TAFA4: variants seen among roughly 807,000 people sequenced by gnomAD.
TAFA4 encodes the protein chemokine-like protein TAFA-4.
A neutral mutation model predicts 21.1 loss-of-function variants in TAFA4; 20 were observed. That is an observed-to-expected ratio of 0.95 (90% CI 0.67 to 1.38). The LOEUF is 1.38. Among genes scored for constraint, TAFA4 ranks in the 40% most tolerant of loss-of-function variants. The probability of loss-of-function intolerance (pLI) is 0.00; values close to 1 mark genes in which losing one functional copy is unlikely to be tolerated. For synonymous variants in TAFA4, 71 were observed against 67.4 expected, an observed-to-expected ratio of 1.05 and a Z score of -0.26; for missense variants, 211 against 180.9, an observed-to-expected ratio of 1.17 and a Z score of -0.95.
At chr3:68,819,959 G>A (rs1217187919) in intron 3 of TAFA4, among the ~76,000 whole-genome samples, 2 of 152,174 alleles carry the variant, frequency 1.3e-5, no homozygotes, top group African/African-American at 4.8e-5. Context: ...TATGAAACCA[G>A]TATGTCAGAG....
intron 3 of TAFA4, among the ~76,000 whole-genome samples, chr3:68,813,798 C>T (rs989616725): frequency 2.0e-5 from 3 of 152,092 alleles, no homozygotes; most frequent in African/African-American, 7.2e-5. Flanking sequence ...AAGAGGGAAT[C>T]CTCCCTAACT....
intron 3 of TAFA4, among the ~76,000 whole-genome samples, chr3:68,846,567 G>A (rs1704803424): frequency 6.6e-6 from 1 of 152,050 alleles, no homozygotes; most frequent in Admixed American, 6.5e-5. Flanking sequence ...TTGCTGGCAA[G>A]GAGTTGTGAT....
intron 5 of TAFA4, among the ~76,000 whole-genome samples, chr3:68,736,125 AC>A (rs1702236574): frequency 6.6e-6 from 1 of 152,174 alleles, no homozygotes; most frequent in Non-Finnish European, 1.5e-5. Context: ...GCTTCTGCTC[AC>A]AAACAAGATA....
intron 1 of TAFA4, among the ~76,000 whole-genome samples, chr3:68,926,102 C>CA (rs567548923): frequency 7.1e-4 from 108 of 152,042 alleles, no homozygotes; most frequent in African/African-American, 2.5e-3. Context: ...CATGGTGGCG[C>CA]ACGCCTGTAC....
At chr3:68,861,005 T>C (rs2089333140) in intron 3 of TAFA4, among the ~76,000 whole-genome samples, 1 of 150,604 alleles carries the variant, frequency 6.6e-6, no homozygotes, top group East Asian at 2.0e-4. Flanking sequence ...AGCCATCTGT[T>C]AGCATTTTGT....
intron 3 of TAFA4, among the ~76,000 whole-genome samples, chr3:68,872,087 G>C (rs1295692384): frequency 6.6e-6 from 1 of 152,028 alleles, no homozygotes; most frequent in African/African-American, 2.4e-5. Flanking sequence ...ATATCAAGGA[G>C]ATAACTATAC....
intron 3 of TAFA4, among the ~76,000 whole-genome samples, chr3:68,767,249 A>C: frequency 6.6e-6 from 1 of 152,114 alleles, no homozygotes; most frequent in East Asian, 1.9e-4. Context: ...AAAAGGGTAG[A>C]GTTAGAGAGA....
chr3:68,809,181 T>C (rs1703773937), intron 3 of TAFA4, among the ~76,000 whole-genome samples: 1 of 152,228 alleles, frequency 6.6e-6, no homozygotes, highest in African/African-American at 2.4e-5. Flanking sequence ...GTTTCATGGT[T>C]AGCAACAATC....
intron 3 of TAFA4, among the ~76,000 whole-genome samples, chr3:68,868,713 C>A (rs2089447649): frequency 6.6e-6 from 1 of 151,858 alleles, no homozygotes; most frequent in Non-Finnish European, 1.5e-5. Context: ...TGTAAACAAA[C>A]ATCCCAAAAT....
At chr3:68,918,747 C>G (rs1333526926) in intron 1 of TAFA4, among the ~76,000 whole-genome samples, 1 of 152,128 alleles carries the variant, frequency 6.6e-6, no homozygotes, top group African/African-American at 2.4e-5. Flanking sequence ...CACCATGTTG[C>G]CCAGATTGGT....
chr3:68,764,010 C>T (rs1049780837), intron 3 of TAFA4, among the ~76,000 whole-genome samples: 4 of 152,046 alleles, frequency 2.6e-5, no homozygotes, highest in African/African-American at 9.7e-5. Flanking sequence ...TGAACCTAAT[C>T]CACTTATATT....
At chr3:68,820,577 G>T (rs1359165387) in intron 3 of TAFA4, among the ~76,000 whole-genome samples, 3 of 151,968 alleles carry the variant, frequency 2.0e-5, no homozygotes, top group Non-Finnish European at 4.4e-5. Context: ...TACTTGGAAG[G>T]ATTACTTGAA....
At chr3:68,760,285 T>A (rs867697397) in intron 3 of TAFA4, among the ~76,000 whole-genome samples, 7 of 152,320 alleles carry the variant, frequency 4.6e-5, no homozygotes, top group Admixed American at 6.5e-5. Context: ...AATATACTTT[T>A]AAGAAAAGTT....
intron 3 of TAFA4, among the ~76,000 whole-genome samples, chr3:68,799,292 G>A (rs755228693): frequency 6.6e-6 from 1 of 152,118 alleles, no homozygotes; most frequent in African/African-American, 2.4e-5. Flanking sequence ...GTCTGCAGAG[G>A]CCCTGATTCC....
intron 3 of TAFA4, among the ~76,000 whole-genome samples, chr3:68,813,805 A>T (rs529333759): frequency 6.6e-6 from 1 of 152,152 alleles, no homozygotes; most frequent in African/African-American, 2.4e-5. Flanking sequence ...AATCCTCCCT[A>T]ACTCATTTTA....
At chr3:68,857,007 G>T (rs950353658) in intron 3 of TAFA4, among the ~76,000 whole-genome samples, 1 of 152,148 alleles carries the variant, frequency 6.6e-6, no homozygotes, top group Middle Eastern at 3.4e-3. Context: ...GGGACAACAC[G>T]CAGGGTAGAG....
chr3:68,922,495 C>T (rs2090068718), intron 1 of TAFA4, among the ~76,000 whole-genome samples: 1 of 152,178 alleles, frequency 6.6e-6, no homozygotes. Context: ...AGCATAAACC[C>T]TATATTCATC....
chr3:68,773,493 G>A (rs1702995681), intron 3 of TAFA4, among the ~76,000 whole-genome samples: 1 of 152,158 alleles, frequency 6.6e-6, no homozygotes, highest in Non-Finnish European at 1.5e-5. Flanking sequence ...CACTGGCCAT[G>A]TGACTAAACC....
At chr3:68,826,282 G>T (rs1366539206) in intron 3 of TAFA4, among the ~76,000 whole-genome samples, 1 of 152,106 alleles carries the variant, frequency 6.6e-6, no homozygotes, top group Admixed American at 6.6e-5. Context: ...TAATAAGAAG[G>T]TTTACTCAGG....
Sources: gnomAD v4.1 joint callset for allele counts (sites outside exome capture counted in the v4.1 genomes callset) on GRCh38, gnomAD v4.1.1 for gene constraint, MANE v1.5 for transcripts, NCBI Gene and HGNC (gene_info 2026-07-23, HGNC 2026-07-21) for gene names.